The following MYD88 variants were observed in gnomAD, a reference collection of about 807,000 sequenced individuals.
MYD88 encodes the protein myeloid differentiation primary response protein MyD88.
MYD88 carries 15 observed loss-of-function variants against 31.1 expected under a neutral mutation model. That is an observed-to-expected ratio of 0.48 (90% CI 0.32 to 0.74). The LOEUF (loss-of-function observed/expected upper bound fraction) is 0.74, where lower values mean the gene tolerates loss of function less well. MYD88 is among the 30% of genes least tolerant of loss of function. The pLI is 0.03. For synonymous variants in MYD88, 157 were observed against 158.8 expected (o/e 0.99, Z 0.08); for missense variants, 308 against 387.4 (o/e 0.79, Z 1.72).
In MYD88 at chr3:38,139,837, C is replaced by T; in HGVS notation, c.329-27C>T. Reference sequence around the variant, plus strand: ...AAAGAGGTAGGCACTCCCAGGGAGGCTGCTTTACTCTGTCTCTTCCCCACA... The same window carrying T: ...AAAGAGGTAGGCACTCCCAGGGAGGTTGCTTTACTCTGTCTCTTCCCCACA... On this transcript the variant is annotated intron_variant, in intron 1 of 4. Transcript: ENST00000650905. The surrounding 1 kb of genome is among the most constrained non-coding windows in gnomAD (Gnocchi z 4.7). 3.7e-6 allele frequency: 6 copies of T among 1,611,672 alleles called. No homozygotes were observed. The highest frequency in any genetic ancestry group is 5.1e-6 in the Non-Finnish European group (6 of 1,179,940).
intron 2 of MYD88, 139 bp downstream of exon 2, chr3:38,140,137 GA>G: frequency 8.7e-7 from 1 of 1,151,124 alleles, no homozygotes; most frequent in Non-Finnish European, 1.3e-6. Flanking sequence ...CCTCACCTAA[GA>G]AATGGAGATA....
chr3:38,138,666 G>A lies in MYD88; in HGVS notation c.-35G>A, dbSNP rs4988455. ...AAGAGGAAGCGCTGGCAGACAATGCGACCCGACCGCGCTGAGGCTCCAGGA... is the reference window on the plus strand; with the variant it reads ...AAGAGGAAGCGCTGGCAGACAATGCAACCCGACCGCGCTGAGGCTCCAGGA... On this transcript the variant is annotated 5_prime_UTR_variant, in exon 1 of 5. Transcript: ENST00000650905. This position sits in a 1 kb window ranked among gnomAD's most constrained non-coding sequence, Gnocchi z 6.4. The A allele has an allele frequency of 1.3e-6, 2 of 1,554,212 alleles. No individual in the cohort carries two copies. The highest frequency in any genetic ancestry group is 1.8e-5 in the Admixed American group (1 of 54,664).
rs1701026505 is a variant in MYD88 at position 38,139,707 on chromosome 3, C to T, written c.329-157C>T. ...TCAGTTAGAGCCAGTGGGAGCTCAA[C>T]TTCTCAGAGCCGTTGAGCTTCGCGT... is the stretch of plus-strand genomic sequence containing the variant. On this transcript the variant is annotated intron_variant, in intron 1 of 4. Coordinates refer to ENST00000650905, the MANE Select transcript of MYD88 (RefSeq NM_002468.5). The surrounding 1 kb of genome is among the most constrained non-coding windows in gnomAD (Gnocchi z 4.7). 4.3e-6 allele frequency: 4 copies of T among 932,684 alleles called. 1 individual carries two copies. The East Asian group carries it at 1.0e-4, about 23-fold the overall frequency. 57.8% of individuals were successfully genotyped at this position (932,684 alleles called of 1,614,324 possible). A position where few individuals can be genotyped will look rare whatever the true frequency, so the allele number is the denominator to read the frequency against.
chr3:38,142,737 C>T lies in MYD88; in HGVS notation c.*1451C>T. On this transcript the variant is annotated 3_prime_UTR_variant, in exon 5 of 5. Transcript: ENST00000650905. Reference sequence around the variant, plus strand: ...CCAATAGAAAATGCATATCTTTGCTCCACTTTCAGCCAGGCTGGAGCAAGG... The same window carrying T: ...CCAATAGAAAATGCATATCTTTGCTTCACTTTCAGCCAGGCTGGAGCAAGG... The T allele has an allele frequency of 4.3e-6, 1 of 233,248 alleles. No homozygotes were observed. Among genetic ancestry groups the T allele is most frequent in the Non-Finnish European group, 8.5e-6 (1 of 118,058 alleles). The allele number at this position is 233,248 out of a possible 1,614,324, so 14.4% of individuals were successfully genotyped here.
In MYD88 at chr3:38,139,574, G is replaced by A; in HGVS notation, c.329-290G>A. ...ACATCTGCCCTGGATCCCAGAAGAA[G>A]CAGACCTACCTTGGTACCATTCTTA... On this transcript the variant is annotated intron_variant, in intron 1 of 4. Transcript: ENST00000650905. This position sits in a 1 kb window ranked among gnomAD's most constrained non-coding sequence, Gnocchi z 4.7. 1 of 487,106 alleles carries A rather than the reference G, an allele frequency of 2.1e-6. No individual in the cohort carries two copies. 30.2% of individuals were successfully genotyped at this position (487,106 alleles called of 1,614,324 possible). A position where few individuals can be genotyped will look rare whatever the true frequency, so the allele number is the denominator to read the frequency against.
In MYD88 at chr3:38,138,729, C is replaced by T. The variant is rs1337361092; in HGVS notation, c.29C>T (p.Ser10Phe). MAAGGPGAG[S>F]AAPVSSTSSL... ...GCTGCAGGAGGTCCCGGCGCGGGGTCTGCGGCCCCGGTCTCCTCCACATCC... is the reference window on the plus strand; with the variant it reads ...GCTGCAGGAGGTCCCGGCGCGGGGTTTGCGGCCCCGGTCTCCTCCACATCC... The change falls in exon 1 of 5, where the codon TCT becomes TTT. Residue 10 changes from serine (S) to phenylalanine (F), a missense_variant. Physicochemically the swap from Ser to Phe is radical, Grantham distance 155 (BLOSUM62 -2). Transcript: ENST00000650905. This position sits in a 1 kb window ranked among gnomAD's most constrained non-coding sequence, Gnocchi z 6.4. The T allele has an allele frequency of 1.2e-6, 2 of 1,606,928 alleles. No homozygotes were observed. The highest frequency in any genetic ancestry group is 2.2e-5 in the East Asian group (1 of 44,740).
chr3:38,140,439 T>A lies in MYD88; in HGVS notation c.515T>A (p.Ile172Asn), dbSNP rs1379220335. ...DAFICYCPSD[I>N]QFVQEMIRQL... ...TTCATCTGCTATTGCCCCAGCGACA[T>A]CCAGTTTGTGCAGGAGATGATCCGG... The change falls in exon 3 of 5, where the codon ATC (isoleucine) becomes AAC (asparagine). Residue 172 changes from isoleucine to asparagine, a missense_variant. Physicochemically the swap from Ile to Asn is moderately radical, Grantham distance 149. Coordinates refer to ENST00000650905, the MANE Select transcript of MYD88 (RefSeq NM_002468.5). The A allele has an allele frequency of 1.2e-6, 2 of 1,614,222 alleles. No homozygotes were observed. Among genetic ancestry groups the A allele is most frequent in the Non-Finnish European group, 1.7e-6 (2 of 1,180,038 alleles).
Position 38,141,471 on chromosome 3 carries a change from T to A in MYD88, c.*185T>A. 1.3e-6 allele frequency: 1 copy of A among 752,520 alleles called. No individual in the cohort carries two copies. The highest frequency in any genetic ancestry group is 2.3e-6 in the Non-Finnish European group (1 of 440,730). The allele number at this position is 752,520 out of a possible 1,614,324, so 46.6% of individuals were successfully genotyped here. A position where few individuals can be genotyped will look rare whatever the true frequency, so the allele number is the denominator to read the frequency against. On this transcript the variant is annotated 3_prime_UTR_variant, in exon 5 of 5. Coordinates refer to ENST00000650905, the MANE Select transcript of MYD88 (RefSeq NM_002468.5). ...CATTTCATGTCCTGCATGGAACCAG[T>A]GGCTGTGAGTGGCATGTCCACTTGC...
chr3:38,140,659 G>C, intron 3 of MYD88, 91 bp downstream of exon 3: 2 of 1,603,074 alleles, frequency 1.2e-6, no homozygotes, highest in Non-Finnish European at 1.7e-6. Context: ...GCTGTGCACT[G>C]TCCAGCCTGG....
chr3:38,141,569 C>T lies in MYD88; in HGVS notation c.*283C>T. 1.9e-6 allele frequency: 1 copy of T among 524,510 alleles called. No homozygotes were observed. The highest frequency in any genetic ancestry group is 3.5e-6 in the Non-Finnish European group (1 of 287,632). The allele number at this position is 524,510 out of a possible 1,614,324, so 32.5% of individuals were successfully genotyped here. Reference sequence around the variant, plus strand: ...AAGGACCAGCAGAGCCAGCTCAGCTCTGAGCCATTCACACATCTTCACCCT... The same window carrying T: ...AAGGACCAGCAGAGCCAGCTCAGCTTTGAGCCATTCACACATCTTCACCCT... On this transcript the variant is annotated 3_prime_UTR_variant, in exon 5 of 5. Coordinates refer to ENST00000650905, the MANE Select transcript of MYD88 (RefSeq NM_002468.5).
rs1700990813 is a variant in MYD88 at position 38,138,777 on chromosome 3, A to G, written c.77A>G (p.Asn26Ser). ...TCCTCCCTTCCCCTGGCTGCTCTCA[A>G]CATGCGAGTGCGGCGCCGCCTGTCT... Reference protein sequence around the residue: ...STSSLPLAALNMRVRRRLSLF... With the variant: ...STSSLPLAALSMRVRRRLSLF... Residue 26 changes from asparagine to serine, a missense_variant, in exon 1 of 5, where the codon AAC becomes AGC. By Grantham distance (46) the Asn-to-Ser change is conservative. Coordinates refer to ENST00000650905, the MANE Select transcript of MYD88 (RefSeq NM_002468.5). The surrounding 1 kb of genome is among the most constrained non-coding windows in gnomAD (Gnocchi z 6.4). The G allele has an allele frequency of 4.3e-6, 7 of 1,613,156 alleles. No individual in the cohort carries two copies. The highest frequency in any genetic ancestry group is 5.9e-6 in the Non-Finnish European group (7 of 1,179,964).
At position 38,139,983 on chromosome 3, in the gene MYD88, C is replaced by G. The variant is rs2125777749; in HGVS notation, c.448C>G (p.Leu150Val). ...AGCAGAGCTGGCGGGCATCACCACA[C>G]TTGATGACCCCCTGGGTAAGGGTCC... Reference protein sequence around the residue: ...RTAELAGITTLDDPLGHMPER... With the variant: ...RTAELAGITTVDDPLGHMPER... Residue 150 changes from leucine to valine, a missense_variant, in exon 2 of 5, where the codon CTT becomes GTT. Coordinates refer to ENST00000650905, the MANE Select transcript of MYD88 (RefSeq NM_002468.5). This position sits in a 1 kb window ranked among gnomAD's most constrained non-coding sequence, Gnocchi z 4.7. The G allele has an allele frequency of 6.2e-7, 1 of 1,613,660 alleles. No individual in the cohort carries two copies. The highest frequency in any genetic ancestry group is 1.1e-5 in the South Asian group (1 of 91,036).
chr3:38,140,729 G>GCTGA, intron 3 of MYD88, 28 bp from the exon 4 acceptor site: 1 of 1,610,562 alleles, frequency 6.2e-7, no homozygotes, highest in Non-Finnish European at 8.5e-7. Flanking sequence ...GTTGCCACAG[G>GCTGA]ACCTGCAGCC....
At chr3:38,140,146 A>G (rs1456496349) in intron 2 of MYD88, 148 bp downstream of exon 2, 2 of 1,086,314 alleles carry the variant, frequency 1.8e-6, no homozygotes, top group Non-Finnish European at 2.7e-6. Context: ...AGAAATGGAG[A>G]TAATAGTCCT....
In MYD88 at chr3:38,142,270, A is replaced by T. The variant is rs1247730655; in HGVS notation, c.*984A>T. The T allele has an allele frequency of 4.3e-6, 1 of 233,286 alleles. No homozygotes were observed. The highest frequency in any genetic ancestry group is 8.5e-6 in the Non-Finnish European group (1 of 118,112). The allele number at this position is 233,286 out of a possible 1,614,324, so 14.5% of individuals were successfully genotyped here. On this transcript the variant is annotated 3_prime_UTR_variant, in exon 5 of 5. Transcript: ENST00000650905. ...GCCTCCTGCCCCAAAGCTTGTGGGC[A>T]CATGGGCACATACAGACTCACATAC...
chr3:38,139,388 G>A lies in MYD88; in HGVS notation c.328+360G>A. On this transcript the variant is annotated intron_variant, in intron 1 of 4. Transcript: ENST00000650905. This position sits in a 1 kb window ranked among gnomAD's most constrained non-coding sequence, Gnocchi z 4.7. ...CTGTCTTAGAAACCTCAAGTCCTGG[G>A]GAAATGCAGCCCTTCTTTCTACTCA... 2.4e-6 allele frequency: 1 copy of A among 424,338 alleles called. No homozygotes were observed. Among genetic ancestry groups the A allele is most frequent in the Non-Finnish European group, 4.3e-6 (1 of 232,060 alleles). The allele number at this position is 424,338 out of a possible 1,614,324, so 26.3% of individuals were successfully genotyped here.
Position 38,139,804 on chromosome 3 carries a change from CTG to C in MYD88, c.329-57_329-56del. 6.2e-7 allele frequency: 1 copy of C among 1,605,928 alleles called. No individual in the cohort carries two copies. Among genetic ancestry groups the C allele is most frequent in the South Asian group, 1.1e-5 (1 of 90,518 alleles). ...AGGTGGGACAGCGGCTGGATCCTGA[CTG>C]TGGGTAAAGAGGTAGGCACTCCCAG... On this transcript the variant is annotated intron_variant, in intron 1 of 4. Coordinates refer to ENST00000650905, the MANE Select transcript of MYD88 (RefSeq NM_002468.5). The surrounding 1 kb of genome is among the most constrained non-coding windows in gnomAD (Gnocchi z 4.7).
In MYD88 at chr3:38,138,973, G is replaced by A. The variant is rs1701004152; in HGVS notation, c.273G>A (p.Glu91=). ...GCGCCTCTGTAGGCCGACTGCTCGAGCTGCTTACCAAGCTGGGCCGCGACG... is the reference window on the plus strand; with the variant it reads ...GCGCCTCTGTAGGCCGACTGCTCGAACTGCTTACCAAGCTGGGCCGCGACG... The part of the protein sequence containing the change: ...RPGASVGRLL[E]LLTKLGRDDV... Residue 91 remains glutamate (E), a synonymous_variant, in exon 1 of 5, where the codon GAG becomes GAA. Transcript: ENST00000650905. The surrounding 1 kb of genome is among the most constrained non-coding windows in gnomAD (Gnocchi z 6.4). 6.2e-7 allele frequency: 1 copy of A among 1,608,678 alleles called. No individual in the cohort carries two copies. The highest frequency in any genetic ancestry group is 8.5e-7 in the Non-Finnish European group (1 of 1,179,994).
chr3:38,141,402 G>A lies in MYD88; in HGVS notation c.*116G>A. The A allele has an allele frequency of 7.2e-7, 1 of 1,391,296 alleles. No individual in the cohort carries two copies. The highest frequency in any genetic ancestry group is 2.3e-5 in the East Asian group (1 of 43,740). The allele number at this position is 1,391,296 out of a possible 1,614,324, so 86.2% of individuals were successfully genotyped here. A position where few individuals can be genotyped will look rare whatever the true frequency, so the allele number is the denominator to read the frequency against. ...GTGCTCTACTTACCTCTCAATTCCT[G>A]GAGATGCCAACTTCACAGACACGTC... On this transcript the variant is annotated 3_prime_UTR_variant, in exon 5 of 5. Coordinates refer to ENST00000650905, the MANE Select transcript of MYD88 (RefSeq NM_002468.5).
Sources: gnomAD v4.1 joint callset for allele counts on GRCh38, gnomAD v4.1.1 for gene constraint, Gnocchi (gnomAD v3.1) non-coding constraint, MANE v1.5 for transcripts, NCBI Gene and HGNC (gene_info 2026-07-23, HGNC 2026-07-21) for gene names.